Variants in LINGO2 observed in about 807,000 individuals in gnomAD.
LINGO2 encodes leucine-rich repeat and immunoglobulin-like domain-containing nogo receptor-interacting protein 2.
Under a neutral mutation model 30.6 loss-of-function variants are expected in LINGO2, and 14 were observed. The observed-to-expected ratio is 0.46, with a 90% CI of 0.30 to 0.72. The LOEUF (loss-of-function observed/expected upper bound fraction) is 0.72, where lower values mean the gene tolerates loss of function less well. Among genes scored for constraint, LINGO2 ranks in the 30% least tolerant of loss-of-function variants. The pLI is 0.07. For synonymous variants in LINGO2, 317 were observed against 288.5 expected (o/e 1.10, Z -1.00); for missense variants, 729 against 751.7 (o/e 0.97, Z 0.35).
the LINGO2 span, among the ~76,000 whole-genome samples, chr9:29,195,990 C>T: frequency 1.4e-3 from 215 of 152,146 alleles, no homozygotes; most frequent in Non-Finnish European, 2.5e-3. Flanking sequence ...TAAAATCACA[C>T]GAATCATTTC....
At chr9:28,164,418 A>T (rs1387008079) in intron 4 of LINGO2, among the ~76,000 whole-genome samples, 2 of 152,192 alleles carry the variant, frequency 1.3e-5, no homozygotes, top group East Asian at 1.9e-4. Context: ...TACTTTTTGT[A>T]AAGATGTTAT....
At chr9:29,196,319 C>T in the LINGO2 span, among the ~76,000 whole-genome samples, 1 of 151,968 alleles carries the variant, frequency 6.6e-6, no homozygotes, top group East Asian at 1.9e-4. Context: ...CCTTTCTTTT[C>T]TATTTATCAT....
the LINGO2 span, among the ~76,000 whole-genome samples, chr9:28,927,495 A>G: frequency 6.6e-6 from 1 of 152,188 alleles, no homozygotes; most frequent in Non-Finnish European, 1.5e-5. Flanking sequence ...GATTTAAATA[A>G]TTGAGATGGA....
the LINGO2 span, among the ~76,000 whole-genome samples, chr9:28,847,058 C>T: frequency 1.4e-4 from 20 of 145,598 alleles, 1 homozygote; most frequent in South Asian, 8.6e-4. Context: ...ATTTCAGTAG[C>T]CCCAACAAGC....
the LINGO2 span, among the ~76,000 whole-genome samples, chr9:29,045,407 T>C: frequency 5.3e-5 from 8 of 152,136 alleles, no homozygotes; most frequent in Non-Finnish European, 7.4e-5. Context: ...TGAATTTATA[T>C]GGAATATATT....
At chr9:28,334,005 A>AT (rs1564129623) in intron 3 of LINGO2, among the ~76,000 whole-genome samples, 1 of 152,192 alleles carries the variant, frequency 6.6e-6, no homozygotes, top group Non-Finnish European at 1.5e-5. Flanking sequence ...AATTTATCTA[A>AT]CGCTGATTTA....
the LINGO2 span, among the ~76,000 whole-genome samples, chr9:28,964,035 A>C: frequency 6.6e-6 from 1 of 151,902 alleles, no homozygotes; most frequent in East Asian, 1.9e-4. Flanking sequence ...TTGTCAAGTG[A>C]AGATGCAAAT....
At chr9:28,467,036 G>GC (rs1491523551) in intron 2 of LINGO2, among the ~76,000 whole-genome samples, 19 of 98,524 alleles carry the variant, frequency 1.9e-4, no homozygotes, top group Admixed American at 1.7e-3. Flanking sequence ...CTTTTTTTTT[G>GC]GGGGGGGGGG....
chr9:29,189,061 A>AC, the LINGO2 span, among the ~76,000 whole-genome samples: 84 of 70,788 alleles, frequency 1.2e-3, no homozygotes, highest in Admixed American at 3.4e-3. Flanking sequence ...CGGGGGGCTG[A>AC]CCCCCCCCAC....
At chr9:28,624,103 C>A (rs1826539626) in intron 1 of LINGO2, among the ~76,000 whole-genome samples, 1 of 152,012 alleles carries the variant, frequency 6.6e-6, no homozygotes, top group African/African-American at 2.4e-5. Context: ...TAAATATAAG[C>A]TCATATTATC....
At chr9:28,880,188 A>C in the LINGO2 span, among the ~76,000 whole-genome samples, 3 of 152,178 alleles carry the variant, frequency 2.0e-5, no homozygotes, top group South Asian at 6.2e-4. Flanking sequence ...TGTTCACTGC[A>C]ACCTCCGCCT....
At chr9:28,727,451 A>G in the LINGO2 span, among the ~76,000 whole-genome samples, 1 of 151,958 alleles carries the variant, frequency 6.6e-6, no homozygotes, top group African/African-American at 2.4e-5. Context: ...ACGTCTGGCT[A>G]ATTTTTTTGT....
chr9:28,488,267 G>C (rs1826253128), intron 1 of LINGO2, among the ~76,000 whole-genome samples: 1 of 152,052 alleles, frequency 6.6e-6, no homozygotes, highest in Admixed American at 6.6e-5. Context: ...ACTCTAAAAA[G>C]ACATTAAGAA....
At chr9:28,238,245 C>T (rs866814924) in intron 4 of LINGO2, among the ~76,000 whole-genome samples, 28 of 151,936 alleles carry the variant, frequency 1.8e-4, no homozygotes, top group African/African-American at 6.5e-4. Context: ...AGAAAATCAA[C>T]GACAACAACA....
rs77800710 is a variant in LINGO2 at position 28,563,831 on chromosome 9, G to A, written c.-364-87806C>T. 5.3e-5 allele frequency among the ~76,000 whole-genome samples: 8 copies of A among 152,232 alleles called. No homozygotes were observed. The East Asian group carries it at 1.5e-3, about 29-fold the overall frequency. On this transcript the variant is annotated intron_variant, in intron 1 of 5. Transcript: ENST00000379992. Reference sequence around the variant, plus strand: ...CCCAGAATCGCGGCTGCTGAGCCAAGTAAACCACCTCCTGAGTTGTTTCTG... The same window carrying A: ...CCCAGAATCGCGGCTGCTGAGCCAAATAAACCACCTCCTGAGTTGTTTCTG...
intron 4 of LINGO2, among the ~76,000 whole-genome samples, chr9:28,111,793 A>G (rs1826799953): frequency 6.6e-6 from 1 of 152,154 alleles, no homozygotes; most frequent in Non-Finnish European, 1.5e-5. Flanking sequence ...GAGATATACA[A>G]GGGCTTTTAG....
chr9:29,025,360 A>G, the LINGO2 span, among the ~76,000 whole-genome samples: 2 of 152,072 alleles, frequency 1.3e-5, no homozygotes, highest in Non-Finnish European at 2.9e-5. Flanking sequence ...TAAGTATTAC[A>G]GTGAGAACTT....
intron 1 of LINGO2, among the ~76,000 whole-genome samples, chr9:28,516,658 C>G (rs1288893489): frequency 1.3e-5 from 2 of 152,222 alleles, no homozygotes; most frequent in African/African-American, 4.8e-5. Context: ...GTAAAAACCA[C>G]TGAGGACAAT....
intron 4 of LINGO2, among the ~76,000 whole-genome samples, chr9:28,223,797 C>A (rs1821048661): frequency 6.6e-6 from 1 of 152,046 alleles, no homozygotes; most frequent in Non-Finnish European, 1.5e-5. Flanking sequence ...AGAAAAAAGA[C>A]AAATATGGCC....
Sources: allele counts gnomAD v4.1 joint callset (sites outside exome capture counted in the v4.1 genomes callset), GRCh38; gene constraint gnomAD v4.1.1; transcripts MANE v1.5; gene names NCBI Gene and HGNC (gene_info 2026-07-23, HGNC 2026-07-21).